The following LUC7L3 variants were observed in gnomAD, a reference collection of about 807,000 sequenced individuals.
LUC7L3 encodes LUC7 like 3 pre-mRNA splicing factor.
Under a neutral mutation model 66.8 loss-of-function variants are expected in LUC7L3, and 6 were observed. The ratio of observed to expected loss-of-function variants is 0.09; its 90% CI spans 0.05 to 0.18. The LOEUF (loss-of-function observed/expected upper bound fraction) is 0.18. Among genes scored for constraint, LUC7L3 ranks in the 10% least tolerant of loss-of-function variants. The probability of loss-of-function intolerance (pLI) is 1.00; values close to 1 mark genes in which losing one functional copy is unlikely to be tolerated. For synonymous variants in LUC7L3, 160 were observed against 174.7 expected (o/e 0.92, Z 0.66); for missense variants, 341 against 531.1 (o/e 0.64, Z 3.52).
intron 9 of LUC7L3, among the ~76,000 whole-genome samples, chr17:50,748,836 G>A (rs1244247229): frequency 6.6e-6 from 1 of 151,744 alleles, no homozygotes; most frequent in Non-Finnish European, 1.5e-5. Flanking sequence ...AAAATGCTAT[G>A]TAAAAATAAA....
intron 1 of LUC7L3, among the ~76,000 whole-genome samples, chr17:50,734,083 A>T (rs1343878242): frequency 6.6e-6 from 1 of 152,242 alleles, no homozygotes; most frequent in Non-Finnish European, 1.5e-5. Flanking sequence ...TTTTAAAAAC[A>T]TTAGCTTTAG....
At position 50,749,424 on chromosome 17, in the gene LUC7L3, T is replaced by G. The variant is rs992650537; in HGVS notation, c.1139-1077T>G. 13 of 1,153,268 alleles carry G rather than the reference T, an allele frequency of 1.1e-5. No individual in the cohort carries two copies. In the Admixed American group the frequency reaches 2.2e-4, roughly 19 times the overall value. 71.4% of individuals were successfully genotyped at this position (1,153,268 alleles called of 1,614,324 possible). ...GAAGCAAGTCTTGCGCTTAACTACT[T>G]GGACATTGCTTTGTGTATTATGCAA... On this transcript the variant is annotated intron_variant, in intron 9 of 9. Transcript: ENST00000505658.
chr17:50,720,599 G>A (rs1276400714), intron 1 of LUC7L3, among the ~76,000 whole-genome samples: 1 of 152,166 alleles, frequency 6.6e-6, no homozygotes. Flanking sequence ...CATTTCAAGT[G>A]TTTTGATCTA....
rs551944437 is a variant in LUC7L3 at position 50,755,250 on chromosome 17, C to T, written c.*4589C>T. ...CTCCTATTTCTCTGTTTTTCCTCTGCAGGAGCTTGCTGCTGTTAACAGTTA... is the reference window on the plus strand; with the variant it reads ...CTCCTATTTCTCTGTTTTTCCTCTGTAGGAGCTTGCTGCTGTTAACAGTTA... On this transcript the variant is annotated 3_prime_UTR_variant, in exon 10 of 10. Transcript: ENST00000505658. 2 of 151,978 alleles carry T rather than the reference C, an allele frequency of 1.3e-5. No homozygotes were observed. Among genetic ancestry groups the T allele is most frequent in the East Asian group, 3.9e-4 (2 of 5,190 alleles). 9.4% of individuals were successfully genotyped at this position (151,978 alleles called of 1,614,324 possible).
intron 9 of LUC7L3, among the ~76,000 whole-genome samples, chr17:50,747,427 T>C (rs906142481): frequency 6.6e-6 from 1 of 151,820 alleles, no homozygotes; most frequent in Non-Finnish European, 1.5e-5. Flanking sequence ...GTATTTTTTA[T>C]ATAAAAGATA....
At chr17:50,721,474 AG>A (rs1399422885) in intron 1 of LUC7L3, among the ~76,000 whole-genome samples, 12 of 152,170 alleles carry the variant, frequency 7.9e-5, no homozygotes, top group Non-Finnish European at 4.4e-5. Context: ...TTTCAGTTTT[AG>A]TACTTTTCAC....
intron 9 of LUC7L3, among the ~76,000 whole-genome samples, chr17:50,747,467 G>T: frequency 6.6e-6 from 1 of 151,628 alleles, no homozygotes. Flanking sequence ...TATTGAATGA[G>T]CTGTTGTGCT....
At chr17:50,733,266 CAG>C (rs759244604) in intron 1 of LUC7L3, among the ~76,000 whole-genome samples, 9 of 144,854 alleles carry the variant, frequency 6.2e-5, no homozygotes, top group African/African-American at 2.1e-4. Flanking sequence ...TTTTTTGAGA[CAG>C]AGTCTCGCTC....
chr17:50,722,345 C>T (rs1011146236), intron 1 of LUC7L3: 1 of 151,832 alleles, frequency 6.6e-6, no homozygotes, highest in East Asian at 1.9e-4. Flanking sequence ...CTACAGGCGC[C>T]CTCCACCACG....
At chr17:50,743,945 CA>C (rs1163445777) in intron 6 of LUC7L3, 135 bp downstream of exon 6, 2 of 653,960 alleles carry the variant, frequency 3.1e-6, no homozygotes, top group African/African-American at 1.8e-5. Context: ...AGGTCTGTGG[CA>C]TCTACTAAGC....
intron 1 of LUC7L3, among the ~76,000 whole-genome samples, chr17:50,732,065 A>G (rs1258412479): frequency 6.6e-6 from 1 of 152,306 alleles, no homozygotes; most frequent in South Asian, 2.1e-4. Flanking sequence ...CTTATATGCC[A>G]TAGGGAAAGG....
Position 50,750,890 on chromosome 17 carries a change from G to T in LUC7L3, c.*229G>T. 1 of 1,536,064 alleles carries T rather than the reference G, an allele frequency of 6.5e-7. No homozygotes were observed. The highest frequency in any genetic ancestry group is 8.7e-7 in the Non-Finnish European group (1 of 1,146,852). On this transcript the variant is annotated 3_prime_UTR_variant, in exon 10 of 10. Coordinates refer to ENST00000505658, the MANE Select transcript of LUC7L3 (RefSeq NM_016424.5). Reference sequence around the variant, plus strand: ...GTCTCAGCTATTTTGTAGCAGACTCGTGCCCCCATTAGTGTGCCTCTTTGG... The same window carrying T: ...GTCTCAGCTATTTTGTAGCAGACTCTTGCCCCCATTAGTGTGCCTCTTTGG...
At position 50,742,728 on chromosome 17, in the gene LUC7L3, T is replaced by C. The variant is rs544947822; in HGVS notation, c.427-978T>C. On this transcript the variant is annotated intron_variant, in intron 5 of 9. Transcript: ENST00000505658. Reference sequence around the variant, plus strand: ...CTCCCAAATATTTATCCAAGAGAAATGAAAACATATGTCTACACAAAGATT... The same window carrying C: ...CTCCCAAATATTTATCCAAGAGAAACGAAAACATATGTCTACACAAAGATT... Among the ~76,000 whole-genome samples the C allele has an allele frequency of 2.0e-5, 3 of 152,238 alleles. No homozygotes were observed. The East Asian group carries it at 5.8e-4, about 29-fold the overall frequency.
At chr17:50,733,053 G>A (rs940848509) in intron 1 of LUC7L3, among the ~76,000 whole-genome samples, 8 of 152,098 alleles carry the variant, frequency 5.3e-5, no homozygotes, top group Non-Finnish European at 1.0e-4. Context: ...GATCATAGAC[G>A]TTGTGTCTTA....
At chr17:50,745,175 T>A (rs1374038477) in intron 7 of LUC7L3, among the ~76,000 whole-genome samples, 3 of 152,074 alleles carry the variant, frequency 2.0e-5, no homozygotes, top group Non-Finnish European at 4.4e-5. Flanking sequence ...TTTTTTTTAA[T>A]AGAGACGGGG....
chr17:50,721,294 T>C (rs1218601306), intron 1 of LUC7L3, among the ~76,000 whole-genome samples: 2 of 152,206 alleles, frequency 1.3e-5, no homozygotes, highest in African/African-American at 4.8e-5. Flanking sequence ...TGGAACAGCC[T>C]TGTATCTCTG....
In LUC7L3 at chr17:50,746,008, A is replaced by G. The variant is rs541408846; in HGVS notation, c.977+5A>G. On this transcript the variant is annotated splice_donor_5th_base_variant and intron_variant, in intron 8 of 9. Transcript: ENST00000505658. ...TAGAGAAAGAAGGCGGAGCAGGTAT[A>G]TATAAAACACCCTAAGACTGTCCAG... 2.3e-5 allele frequency: 37 copies of G among 1,591,980 alleles called. No homozygotes were observed. The African/African-American group carries it at 4.5e-4, about 19-fold the overall frequency.
Position 50,737,227 on chromosome 17 carries a change from A to G in LUC7L3, c.166+201A>G, listed in dbSNP as rs1233183183. The stretch of plus-strand genomic sequence containing the variant: ...ATTAAACATGGTGGCTTAATTAAAC[A>G]TACATGTCTATTTCCACTCCCTCCC... On this transcript the variant is annotated intron_variant, in intron 2 of 9. Coordinates refer to ENST00000505658, the MANE Select transcript of LUC7L3 (RefSeq NM_016424.5). The G allele has an allele frequency of 1.4e-5, 9 of 651,174 alleles. No homozygotes were observed. In the African/African-American group the frequency reaches 1.4e-4, roughly 10 times the overall value. 40.3% of individuals were successfully genotyped at this position (651,174 alleles called of 1,614,324 possible). A position where few individuals can be genotyped will look rare whatever the true frequency, so the allele number is the denominator to read the frequency against.
chr17:50,743,846 T>A (rs9894508), intron 6 of LUC7L3, 36 bp downstream of exon 6: 1 of 1,422,488 alleles, frequency 7.0e-7, no homozygotes, highest in Non-Finnish European at 9.8e-7. Flanking sequence ...CTCATCTGTC[T>A]GTTAACAGTT....
Sources: gnomAD v4.1 joint callset for allele counts (sites outside exome capture counted in the v4.1 genomes callset) on GRCh38, gnomAD v4.1.1 for gene constraint, MANE v1.5 for transcripts, NCBI Gene and HGNC (gene_info 2026-07-23, HGNC 2026-07-21) for gene names.